Variants in OGFOD3 observed in about 807,000 individuals in gnomAD.
OGFOD3 encodes 2-oxoglutarate and iron-dependent oxygenase domain-containing protein 3.
OGFOD3 carries 35 observed loss-of-function variants against 39.8 expected under a neutral mutation model. That is an observed-to-expected ratio of 0.88 (90% CI 0.67 to 1.17). The LOEUF is 1.17. Among genes scored for constraint, OGFOD3 ranks in the 50% most tolerant of loss-of-function variants. The pLI is 0.00. For missense variants in OGFOD3, 438 were observed against 454.5 expected (o/e 0.96, Z 0.33); for synonymous variants, 200 against 192.0 (o/e 1.04, Z -0.34).
intron 3 of OGFOD3, among the ~76,000 whole-genome samples, chr17:82,410,144 A>G (rs2052920726): frequency 6.6e-6 from 1 of 152,212 alleles, no homozygotes. Context: ...GTGCTGGACC[A>G]CAGAGGACCA....
chr17:82,412,521 C>G (rs2052966992), intron 2 of OGFOD3, among the ~76,000 whole-genome samples: 1 of 145,136 alleles, frequency 6.9e-6, no homozygotes, highest in African/African-American at 2.6e-5. Context: ...TCAGAGTGGA[C>G]AGGAGTCAGG....
At chr17:82,410,094 G>T (rs1466781507) in intron 3 of OGFOD3, among the ~76,000 whole-genome samples, 1 of 152,192 alleles carries the variant, frequency 6.6e-6, no homozygotes, top group Non-Finnish European at 1.5e-5. Context: ...GGAGATAGGG[G>T]CCCTGACCAT....
Position 82,409,338 on chromosome 17 carries a change from A to G in OGFOD3, c.423+30T>C, listed in dbSNP as rs141382926. ...GTGAGAGCAAAGTTAACGGGTAAAA[A>G]AAGGGGGGCAGGGACTACATTCAAC... On this transcript the variant is annotated intron_variant, in intron 4 of 8. Transcript: ENST00000313056. The G allele has an allele frequency of 1.7e-4, 267 of 1,611,928 alleles. No homozygotes were observed. The African/African-American group carries it at 3.3e-3, about 20-fold the overall frequency.
chr17:82,407,033 C>T (rs1420931123), intron 4 of OGFOD3, among the ~76,000 whole-genome samples: 2 of 152,130 alleles, frequency 1.3e-5, no homozygotes, highest in African/African-American at 4.8e-5. Flanking sequence ...GCCTGGCTAA[C>T]ATGGTGAAAC....
intron 2 of OGFOD3, among the ~76,000 whole-genome samples, chr17:82,412,001 GCAGAAAACCCTCCTGAGACCACCAGAGA>G (rs2052953980): frequency 1.4e-5 from 1 of 69,784 alleles, no homozygotes; most frequent in Non-Finnish European, 3.0e-5. Flanking sequence ...GACCACCAGA[GCAGAAAACCCTCCTGAGACCACCAGAGA>G]GGAAGACCCT....
At position 82,418,550 on chromosome 17, in the gene OGFOD3, A is replaced by T; in HGVS notation, c.-65T>A. ...CAGGCCCGGGGACGAACGCCGTAACAGGGAGCGCGAGGCAGGCACGGCGCA... is the reference window on the plus strand; with the variant it reads ...CAGGCCCGGGGACGAACGCCGTAACTGGGAGCGCGAGGCAGGCACGGCGCA... On this transcript the variant is annotated 5_prime_UTR_variant, in exon 1 of 9. Transcript: ENST00000313056. 1 of 889,622 alleles carries T rather than the reference A, an allele frequency of 1.1e-6. No individual in the cohort carries two copies. Among genetic ancestry groups the T allele is most frequent in the Non-Finnish European group, 1.5e-6 (1 of 664,770 alleles). The allele number at this position is 889,622 out of a possible 1,614,324, so 55.1% of individuals were successfully genotyped here. A position where few individuals can be genotyped will look rare whatever the true frequency, so the allele number is the denominator to read the frequency against.
Position 82,409,362 on chromosome 17 carries a change from A to G in OGFOD3, c.423+6T>C, listed in dbSNP as rs2052907618. 6.2e-7 allele frequency: 1 copy of G among 1,613,422 alleles called. No individual in the cohort carries two copies. The highest frequency in any genetic ancestry group is 8.5e-7 in the Non-Finnish European group (1 of 1,179,596). On this transcript the variant is annotated splice_donor_region_variant and intron_variant, in intron 4 of 8. Coordinates refer to ENST00000313056, the MANE Select transcript of OGFOD3 (RefSeq NM_024648.3). ...AAAAGGGGGGCAGGGACTACATTCA[A>G]CTCACCCCTCCGTCAGATCCTCCCA... is the stretch of plus-strand genomic sequence containing the variant.
intron 8 of OGFOD3, among the ~76,000 whole-genome samples, chr17:82,397,869 G>A (rs749579180): frequency 2.0e-5 from 3 of 152,102 alleles, no homozygotes; most frequent in Admixed American, 6.5e-5. Flanking sequence ...AGAGGTGAAC[G>A]CACTCCAGAG....
chr17:82,398,087 C>G (rs557251159), intron 8 of OGFOD3, 109 bp downstream of exon 8: 2 of 1,373,748 alleles, frequency 1.5e-6, no homozygotes, highest in East Asian at 2.3e-5. Flanking sequence ...GCCCGGCACA[C>G]AGCAGATGCT....
At chr17:82,403,609 C>A (rs1232526658) in intron 7 of OGFOD3, among the ~76,000 whole-genome samples, 2 of 152,130 alleles carry the variant, frequency 1.3e-5, no homozygotes, top group Non-Finnish European at 2.9e-5. Context: ...CCATCCTGGG[C>A]GACAGAGCGA....
chr17:82,404,229 G>C lies in OGFOD3; in HGVS notation c.546-139C>G, dbSNP rs1350559433. The stretch of plus-strand genomic sequence containing the variant: ...GGGCGGGGGCTCCCAAGCACACCGG[G>C]AACAGATACCGGCTCCGCCTGGGAA... On this transcript the variant is annotated intron_variant, in intron 6 of 8. Transcript: ENST00000313056. The surrounding 1 kb of genome is among the most constrained non-coding windows in gnomAD (Gnocchi z 4.5). The C allele has an allele frequency of 4.6e-5, 44 of 966,942 alleles. No homozygotes were observed. Among genetic ancestry groups the C allele is most frequent in the Non-Finnish European group, 3.7e-5 (25 of 673,280 alleles). 59.9% of individuals were successfully genotyped at this position (966,942 alleles called of 1,614,324 possible).
At chr17:82,410,407 A>C (rs947028438) in intron 3 of OGFOD3, among the ~76,000 whole-genome samples, 4 of 152,224 alleles carry the variant, frequency 2.6e-5, no homozygotes, top group African/African-American at 9.6e-5. Flanking sequence ...TTAAGATCTC[A>C]GTAAGAAAAG....
rs149476655 is a variant in OGFOD3, at chr17:82,398,291, G to C, written c.728C>G (p.Ser243Trp). Residue 243 changes from serine (S) to tryptophan (W), a missense_variant, in exon 8 of 9, where the codon TCG (serine) becomes TGG (tryptophan). Ser to Trp is a radical substitution (Grantham distance 177). Coordinates refer to ENST00000313056, the MANE Select transcript of OGFOD3 (RefSeq NM_024648.3). ...CAGGTAGTTGGAGAGGTACAGCAGC[G>C]AGGTGTAGTCGAAGGAGCCGTAGGT... ...KVTYGSFDYTSLLYLSNYLED... is the reference protein window; with the variant it reads ...KVTYGSFDYTWLLYLSNYLED... 1,058 of 1,614,184 alleles carry C rather than the reference G, an allele frequency of 6.6e-4. 3 individuals carry two copies. Among genetic ancestry groups the C allele is most frequent in the Non-Finnish European group, 8.6e-4 (1,009 of 1,180,018 alleles).
At chr17:82,398,667 G>C (rs1441830259) in intron 7 of OGFOD3, among the ~76,000 whole-genome samples, 1 of 151,864 alleles carries the variant, frequency 6.6e-6, no homozygotes, top group Non-Finnish European at 1.5e-5. Context: ...CCAAAGTGCT[G>C]GGATTACGGG....
intron 8 of OGFOD3, chr17:82,394,186 T>G: frequency 1.9e-6 from 1 of 522,122 alleles, no homozygotes; most frequent in Non-Finnish European, 3.3e-6. Flanking sequence ...GAGATGTAGT[T>G]TCACCGTGTT....
In OGFOD3 at chr17:82,392,251, G is replaced by T. The variant is rs2052605941; in HGVS notation, c.*147C>A. The T allele has an allele frequency of 1.1e-6, 1 of 888,966 alleles. No individual in the cohort carries two copies. The highest frequency in any genetic ancestry group is 1.7e-6 in the Non-Finnish European group (1 of 593,796). 55.1% of individuals were successfully genotyped at this position (888,966 alleles called of 1,614,324 possible). ...TGGTTCCCTTCATTTACTCACAGATGAAAAGATTAACACGTCAGCAAATCA... is the reference window on the plus strand; with the variant it reads ...TGGTTCCCTTCATTTACTCACAGATTAAAAGATTAACACGTCAGCAAATCA... On this transcript the variant is annotated 3_prime_UTR_variant, in exon 9 of 9. Transcript: ENST00000313056. The surrounding 1 kb of genome is among the most constrained non-coding windows in gnomAD (Gnocchi z 4.2).
At chr17:82,418,295 C>A (rs2053112652) in intron 1 of OGFOD3, 117 bp downstream of exon 1, 1 of 42,756 alleles carries the variant, frequency 2.3e-5, no homozygotes, top group African/African-American at 2.4e-4. Context: ...CGCCCACCTG[C>A]CCCCCCCCAC....
chr17:82,396,487 T>C (rs573629926), intron 8 of OGFOD3: 1 of 151,548 alleles, frequency 6.6e-6, no homozygotes, highest in South Asian at 2.1e-4. Context: ...ATAGATACAA[T>C]TAGACATGTA....
rs1599706724 is a variant in OGFOD3 at position 82,415,689 on chromosome 17, C to T, written c.75-62G>A. The stretch of plus-strand genomic sequence containing the variant: ...GAGTGAGGCCAGAGAAAACGCTCCC[C>T]GATCATCAAAGTGCATGCACCATGA... On this transcript the variant is annotated intron_variant, in intron 1 of 8. Coordinates refer to ENST00000313056, the MANE Select transcript of OGFOD3 (RefSeq NM_024648.3). The surrounding 1 kb of genome is among the most constrained non-coding windows in gnomAD (Gnocchi z 5.3). The T allele has an allele frequency of 2.8e-6, 4 of 1,422,678 alleles. No homozygotes were observed. The highest frequency in any genetic ancestry group is 1.3e-5 in the South Asian group (1 of 78,008). The allele number at this position is 1,422,678 out of a possible 1,614,324, so 88.1% of individuals were successfully genotyped here.
Sources: gnomAD v4.1 joint callset for allele counts (sites outside exome capture counted in the v4.1 genomes callset) on GRCh38, gnomAD v4.1.1 for gene constraint, Gnocchi (gnomAD v3.1) non-coding constraint, MANE v1.5 for transcripts, NCBI Gene and HGNC (gene_info 2026-07-23, HGNC 2026-07-21) for gene names.